The following NIBAN3 variants were observed in gnomAD, a reference collection of about 807,000 sequenced individuals.
NIBAN3 encodes protein Niban 3.
NIBAN3 carries 66 observed loss-of-function variants against 76.4 expected under a neutral mutation model. The observed-to-expected ratio is 0.86, with a 90% CI of 0.71 to 1.06. The LOEUF (loss-of-function observed/expected upper bound fraction) is 1.06. Ranked by LOEUF, NIBAN3 falls within the 50% of genes least tolerant of loss-of-function variation. NIBAN3 has a pLI of 0.00. For synonymous variants in NIBAN3, 360 were observed against 355.2 expected, an observed-to-expected ratio of 1.01 and a Z score of -0.15; for missense variants, 808 against 810.7, an observed-to-expected ratio of 1.00 and a Z score of 0.04.
intron 4 of NIBAN3, among the ~76,000 whole-genome samples, chr19:17,535,520 G>A (rs548833943): frequency 6.6e-6 from 1 of 152,228 alleles, no homozygotes; most frequent in African/African-American, 2.4e-5. Flanking sequence ...AGCACTTTGG[G>A]AGGCCAAGGC....
chr19:17,544,085 G>T, intron 12 of NIBAN3: 1 of 161,800 alleles, frequency 6.2e-6, no homozygotes, highest in Non-Finnish European at 1.3e-5. Context: ...GGGATTGCTT[G>T]AGGCCAGGAG....
intron 1 of NIBAN3, 90 bp from the exon 2 acceptor site, chr19:17,530,665 C>T: frequency 7.6e-7 from 1 of 1,314,132 alleles, no homozygotes; most frequent in Non-Finnish European, 1.0e-6. Flanking sequence ...CAGGAGCCCC[C>T]AGGTGGCTTC....
chr19:17,533,775 C>T, intron 4 of NIBAN3, 74 bp downstream of exon 4: 1 of 1,161,650 alleles, frequency 8.6e-7, no homozygotes, highest in Non-Finnish European at 1.3e-6. Context: ...AGATCATTCT[C>T]TGCGGTGGGG....
In NIBAN3 at chr19:17,539,448, C is replaced by A; in HGVS notation, c.813C>A (p.Thr271=). 1 of 1,480,374 alleles carries A rather than the reference C, an allele frequency of 6.8e-7. No individual in the cohort carries two copies. Among genetic ancestry groups the A allele is most frequent in the Non-Finnish European group, 8.9e-7 (1 of 1,118,634 alleles). The allele number at this position is 1,480,374 out of a possible 1,614,324, so 91.7% of individuals were successfully genotyped here. ...GCCGCGCCCGCGCCTGGGCCTGGAC[C>A]GAGGTATGCACGGCGTCCGGATCCG... ...GAGRARAWAW[T]ELLDAVHAAV... The change falls in exon 7 of 15, where the codon ACC becomes ACA. Residue 271 remains threonine, a synonymous_variant. Transcript: ENST00000599164.
At chr19:17,543,473 GGCCT>G (rs763851677) in intron 11 of NIBAN3, 40 bp downstream of exon 11, 1 of 1,610,914 alleles carries the variant, frequency 6.2e-7, no homozygotes, top group Non-Finnish European at 8.5e-7. Flanking sequence ...GGTGGCAGTG[GGCCT>G]GGGTGCTCAG....
In NIBAN3 at chr19:17,543,336, C is replaced by A; in HGVS notation, c.1349C>A (p.Ala450Asp). The A allele has an allele frequency of 6.4e-7, 1 of 1,570,616 alleles. No individual in the cohort carries two copies. Among genetic ancestry groups the A allele is most frequent in the Non-Finnish European group, 8.7e-7 (1 of 1,154,948 alleles). ...LAQQLMADAV[A>D]TFLQLADQCL... ...CCACAGCTCATGGCTGACGCCGTGG[C>A]CACCTTCCTGCAGCTGGCTGACCAG... Residue 450 changes from alanine (A) to aspartate (D), a missense_variant, in exon 11 of 15, where the codon GCC becomes GAC. By Grantham distance (126) the Ala-to-Asp change is moderately radical. Coordinates refer to ENST00000599164, the MANE Select transcript of NIBAN3 (RefSeq NM_001321827.2).
In NIBAN3 at chr19:17,539,756, C is replaced by A. The variant is rs1187967734; in HGVS notation, c.970C>A (p.Arg324=). The A allele has an allele frequency of 3.9e-6, 6 of 1,532,524 alleles. No homozygotes were observed. In the South Asian group the frequency reaches 7.2e-5, roughly 18 times the overall value. 94.9% of individuals were successfully genotyped at this position (1,532,524 alleles called of 1,614,324 possible). Residue 324 remains arginine (R), a synonymous_variant, in exon 8 of 15, where the codon CGG becomes AGG. Coordinates refer to ENST00000599164, the MANE Select transcript of NIBAN3 (RefSeq NM_001321827.2). ...LLRQRARVAG[R]LRTDIRGPLE... is the part of the protein sequence containing the mutation. ...GCGGCAGCGGGCGCGTGTGGCGGGG[C>A]GGCTGAGGAGTGAGGCCCTGGGGCG...
Position 17,540,548 on chromosome 19 carries a change from G to T in NIBAN3, c.1136G>T (p.Arg379Leu), listed in dbSNP as rs150439084. The T allele has an allele frequency of 4.0e-5, 63 of 1,558,262 alleles. No individual in the cohort carries two copies. Among genetic ancestry groups the T allele is most frequent in the African/African-American group, 6.9e-5 (5 of 71,966 alleles). Residue 379 changes from arginine (R) to leucine (L), a missense_variant, in exon 9 of 15, where the codon CGC becomes CTC. Transcript: ENST00000599164. ...QGMDRLSHRL[R>L]QSPSGTRLRR... ...ATGGACCGACTGTCCCACCGCCTGC[G>T]CCAGAGCCCCTCAGGCACGCGGCTG...
intron 13 of NIBAN3, among the ~76,000 whole-genome samples, chr19:17,548,712 G>A (rs935944843): frequency 2.6e-4 from 40 of 152,154 alleles, no homozygotes; most frequent in Admixed American, 3.3e-4. Flanking sequence ...GATCACTGGA[G>A]GTCAGGAGTT....
In NIBAN3 at chr19:17,532,254, T is replaced by C. The variant is rs2075740867; in HGVS notation, c.187-9T>C. ...GCCCCCTGACACCCACTGCTCCCTC[T>C]TTCTGCAGAAGCTGCCCCGAGTCCG... On this transcript the variant is annotated splice_polypyrimidine_tract_variant and intron_variant, in intron 2 of 14. Transcript: ENST00000599164. 6.2e-7 allele frequency: 1 copy of C among 1,603,628 alleles called. No individual in the cohort carries two copies. The highest frequency in any genetic ancestry group is 2.2e-5 in the East Asian group (1 of 44,774).
At chr19:17,531,123 C>T (rs1168275401) in intron 2 of NIBAN3, among the ~76,000 whole-genome samples, 1 of 151,870 alleles carries the variant, frequency 6.6e-6, no homozygotes, top group African/African-American at 2.4e-5. Flanking sequence ...AGACCAGCCT[C>T]GCCAACATGG....
rs778936320 is a variant in NIBAN3 at position 17,537,432 on chromosome 19, C to A, written c.484C>A (p.Leu162Met). 16 of 1,614,002 alleles carry A rather than the reference C, an allele frequency of 9.9e-6. No individual in the cohort carries two copies. Among genetic ancestry groups the A allele is most frequent in the Non-Finnish European group, 1.4e-5 (16 of 1,180,030 alleles). The stretch of plus-strand genomic sequence containing the variant: ...CTTGGAAGTGCCTGTGAGCTTCCCG[C>A]TGTTCCTGCAGCACCCCTTCCGCCG... ...SLLEVPVSFPLFLQHPFRRHL... is the reference protein window; with the variant it reads ...SLLEVPVSFPMFLQHPFRRHL... Residue 162 changes from leucine to methionine, a missense_variant, in exon 5 of 15, where the codon CTG becomes ATG. Coordinates refer to ENST00000599164, the MANE Select transcript of NIBAN3 (RefSeq NM_001321827.2).
At chr19:17,531,008 T>C in intron 2 of NIBAN3, 123 bp downstream of exon 2, 2 of 1,153,826 alleles carry the variant, frequency 1.7e-6, no homozygotes, top group Non-Finnish European at 2.3e-6. Context: ...AAATATGCAT[T>C]GTTTAAATAA....
Position 17,552,140 on chromosome 19 carries a change from A to G in NIBAN3, c.*242A>G. Reference sequence around the variant, plus strand: ...GTCACCCGGGCTGGAGTGCAGTGGCAGGATCTCGGCTCACTGCAACCTCCG... The same window carrying G: ...GTCACCCGGGCTGGAGTGCAGTGGCGGGATCTCGGCTCACTGCAACCTCCG... On this transcript the variant is annotated 3_prime_UTR_variant, in exon 15 of 15. Coordinates refer to ENST00000599164, the MANE Select transcript of NIBAN3 (RefSeq NM_001321827.2). 1 of 249,432 alleles carries G rather than the reference A, an allele frequency of 4.0e-6. No individual in the cohort carries two copies. Among genetic ancestry groups the G allele is most frequent in the Non-Finnish European group, 7.5e-6 (1 of 132,902 alleles). 15.5% of individuals were successfully genotyped at this position (249,432 alleles called of 1,614,324 possible). A position where few individuals can be genotyped will look rare whatever the true frequency, so the allele number is the denominator to read the frequency against.
Position 17,553,520 on chromosome 19 carries a change from C to A in NIBAN3, c.*1622C>A. 6.2e-7 allele frequency: 1 copy of A among 1,614,188 alleles called. No homozygotes were observed. The highest frequency in any genetic ancestry group is 1.1e-5 in the South Asian group (1 of 91,086). On this transcript the variant is annotated 3_prime_UTR_variant, in exon 15 of 15. Coordinates refer to ENST00000599164, the MANE Select transcript of NIBAN3 (RefSeq NM_001321827.2). The stretch of plus-strand genomic sequence containing the variant: ...CTTTCACACTCCCTGGAGACCGTTT[C>A]CTCCCATTCTGTCTGGAGTTTTCGG...
chr19:17,528,479 T>G (rs1568440340), intron 1 of NIBAN3, among the ~76,000 whole-genome samples: 1 of 151,980 alleles, frequency 6.6e-6, no homozygotes, highest in Non-Finnish European at 1.5e-5. Flanking sequence ...AAGTGGAGGG[T>G]GTCCCAGACC....
chr19:17,544,001 A>C, intron 12 of NIBAN3: 1 of 187,934 alleles, frequency 5.3e-6, no homozygotes, highest in East Asian at 1.5e-4. Flanking sequence ...CAAAAAAAAA[A>C]AAAAAAAAGA....
chr19:17,539,452 G>T lies in NIBAN3; in HGVS notation c.816+1G>T, dbSNP rs1463023019. On this transcript the variant is annotated splice_donor_variant, in intron 7 of 14. Coordinates refer to ENST00000599164, the MANE Select transcript of NIBAN3 (RefSeq NM_001321827.2). LOFTEE classifies it high-confidence loss of function. ...CGCCCGCGCCTGGGCCTGGACCGAG[G>T]TATGCACGGCGTCCGGATCCGGGAT... 2 of 1,471,468 alleles carry T rather than the reference G, an allele frequency of 1.4e-6. No individual in the cohort carries two copies. The highest frequency in any genetic ancestry group is 1.4e-5 in the African/African-American group (1 of 69,750). The allele number at this position is 1,471,468 out of a possible 1,614,324, so 91.2% of individuals were successfully genotyped here. A position where few individuals can be genotyped will look rare whatever the true frequency, so the allele number is the denominator to read the frequency against.
intron 1 of NIBAN3, among the ~76,000 whole-genome samples, chr19:17,529,026 T>G (rs2075662512): frequency 6.6e-6 from 1 of 152,028 alleles, no homozygotes; most frequent in Non-Finnish European, 1.5e-5. Context: ...AGAAGAGCAT[T>G]TTGGACAGGA....
Sources: gnomAD v4.1 joint callset for allele counts (sites outside exome capture counted in the v4.1 genomes callset) on GRCh38, gnomAD v4.1.1 for gene constraint, MANE v1.5 for transcripts, NCBI Gene and HGNC (gene_info 2026-07-23, HGNC 2026-07-21) for gene names.